Variants in FRY observed in about 807,000 individuals in gnomAD.
The protein encoded by FRY is protein furry homolog.
Under a neutral mutation model 348.4 loss-of-function variants are expected in FRY, and 128 were observed. The observed-to-expected ratio is 0.37, with a 90% confidence interval of 0.32 to 0.43. The LOEUF is 0.43. FRY is among the 20% of genes least tolerant of loss of function. The pLI, the probability that FRY is intolerant of heterozygous loss-of-function variation, is 1.00. For synonymous variants in FRY, 1,370 were observed against 1,374.7 expected, an observed-to-expected ratio of 1.00 and a Z score of 0.08; for missense variants, 2,736 against 3,695.2, an observed-to-expected ratio of 0.74 and a Z score of 6.73.
At chr13:32,099,633 A>G (rs1877017679) in intron 2 of FRY, among the ~76,000 whole-genome samples, 1 of 152,038 alleles carries the variant, frequency 6.6e-6, no homozygotes, top group Non-Finnish European at 1.5e-5. Flanking sequence ...CTTACAATAG[A>G]TACTTCAAAT....
chr13:32,224,849 G>A, intron 37 of FRY, 84 bp from the exon 38 acceptor site: 1 of 862,806 alleles, frequency 1.2e-6, no homozygotes, highest in Non-Finnish European at 2.0e-6. Flanking sequence ...ACACTTAAGA[G>A]TTATATTGTA....
At position 32,237,794 on chromosome 13, in the gene FRY, C is replaced by T. The variant is rs779408418; in HGVS notation, c.6226C>T (p.Leu2076Phe). ...GAGCAGACTACTGGCACATATGCCA[C>T]TCGATAAGGCTGAGAACCGAGAAAA... The part of the protein sequence containing the change: ...LLSRLLAHMP[L>F]DKAENREKLE... Residue 2076 changes from leucine (L) to phenylalanine (F), a missense_variant, in exon 44 of 61, where the codon CTC becomes TTC. By Grantham distance (22) the Leu-to-Phe change is conservative. Around this residue, in one of 9 missense-constraint regions of FRY, gnomAD observed 789 missense variants for 996.2 expected, o/e 0.79. Transcript: ENST00000542859. The surrounding 1 kb of genome is among the most constrained non-coding windows in gnomAD (Gnocchi z 6.3). 1.2e-6 allele frequency: 2 copies of T among 1,614,152 alleles called. No homozygotes were observed. Among genetic ancestry groups the T allele is most frequent in the South Asian group, 1.1e-5 (1 of 91,078 alleles).
Position 32,208,889 on chromosome 13 carries a change from G to A in FRY, c.4055G>A (p.Gly1352Glu), listed in dbSNP as rs1884511881. 2 of 1,614,100 alleles carry A rather than the reference G, an allele frequency of 1.2e-6. No individual in the cohort carries two copies. The highest frequency in any genetic ancestry group is 1.7e-6 in the Non-Finnish European group (2 of 1,180,010). The change falls in exon 32 of 61, where the codon GGG (glycine) becomes GAG (glutamate). Residue 1352 changes from glycine to glutamate, a missense_variant. Physicochemically the swap from Gly to Glu is moderately conservative, Grantham distance 98. Coordinates refer to ENST00000542859, the MANE Select transcript of FRY (RefSeq NM_023037.3). ...SQRFPTTHPNGRQIMLTYLLP... is the reference protein window; with the variant it reads ...SQRFPTTHPNERQIMLTYLLP... ...CGATTCCCCACAACACACCCCAACG[G>A]GCGCCAGATCATGCTTACCTACCTG...
chr13:32,034,821 T>G (rs371305655), intron 1 of FRY, among the ~76,000 whole-genome samples: 14 of 152,294 alleles, frequency 9.2e-5, no homozygotes, highest in African/African-American at 3.4e-4. Flanking sequence ...CTTAATCTAC[T>G]CACTCTCCTC....
intron 1 of FRY, among the ~76,000 whole-genome samples, chr13:32,074,967 T>G (rs1593584903): frequency 6.6e-6 from 1 of 152,164 alleles, no homozygotes; most frequent in Admixed American, 6.5e-5. Context: ...CAGGACTGGG[T>G]AAAAAGCAAG....
rs1886418142 is a variant in FRY at position 32,239,991 on chromosome 13, G to C, written c.6687+110G>C. ...CTGCCTTCGCCTCCCAGAGTGCTAG[G>C]ATTACAGGCGTGGGCCACCATTCCC... On this transcript the variant is annotated intron_variant, in intron 46 of 60. Coordinates refer to ENST00000542859, the MANE Select transcript of FRY (RefSeq NM_023037.3). This position sits in a 1 kb window ranked among gnomAD's most constrained non-coding sequence, Gnocchi z 4.3. 1 of 859,570 alleles carries C rather than the reference G, an allele frequency of 1.2e-6. No homozygotes were observed. The highest frequency in any genetic ancestry group is 2.3e-5 in the Admixed American group (1 of 43,926). 53.2% of individuals were successfully genotyped at this position (859,570 alleles called of 1,614,324 possible).
At position 32,186,422 on chromosome 13, in the gene FRY, T is replaced by C. The variant is rs1213998485; in HGVS notation, c.3480+2T>C. The C allele has an allele frequency of 6.3e-7, 1 of 1,582,646 alleles. No homozygotes were observed. Among genetic ancestry groups the C allele is most frequent in the Non-Finnish European group, 8.7e-7 (1 of 1,151,348 alleles). On this transcript the variant is annotated splice_donor_variant, in intron 27 of 60. Transcript: ENST00000542859. LOFTEE classifies it high-confidence loss of function. Reference sequence around the variant, plus strand: ...AGATATCAGTATTGTGCATTAAAAGTAGGTGATATTGTACTCACGAATGAC... The same window carrying C: ...AGATATCAGTATTGTGCATTAAAAGCAGGTGATATTGTACTCACGAATGAC...
intron 1 of FRY, among the ~76,000 whole-genome samples, chr13:32,061,356 T>C (rs545882279): frequency 6.6e-6 from 1 of 152,292 alleles, no homozygotes; most frequent in Admixed American, 6.5e-5. Context: ...GAGATTGTTA[T>C]ATTTTGGAGG....
At position 32,252,814 on chromosome 13, in the gene FRY, C is replaced by G. The variant is rs573416112; in HGVS notation, c.7245+862C>G. On this transcript the variant is annotated intron_variant, in intron 50 of 60. Coordinates refer to ENST00000542859, the MANE Select transcript of FRY (RefSeq NM_023037.3). ...ATTTCTTATCGTCTGGGAAAGCACC[C>G]CAGCCAGCCATCAGCTAAGCTGGGC... Among the ~76,000 whole-genome samples the G allele has an allele frequency of 1.3e-4, 19 of 151,956 alleles. No homozygotes were observed. The South Asian group carries it at 3.7e-3, about 30-fold the overall frequency.
intron 4 of FRY, among the ~76,000 whole-genome samples, chr13:32,118,862 AT>A (rs1471591941): frequency 6.6e-6 from 1 of 152,096 alleles, no homozygotes; most frequent in East Asian, 1.9e-4. Context: ...TCATTTTATT[AT>A]TTTTTCCATA....
At chr13:32,144,671 A>G (rs953543451) in intron 11 of FRY, among the ~76,000 whole-genome samples, 2 of 152,228 alleles carry the variant, frequency 1.3e-5, no homozygotes, top group African/African-American at 4.8e-5. Context: ...ATGGAGACAG[A>G]CAAGTAACAT....
chr13:32,135,055 A>G lies in FRY; in HGVS notation c.979-30A>G, dbSNP rs748033025. 23 of 1,543,456 alleles carry G rather than the reference A, an allele frequency of 1.5e-5. No homozygotes were observed. In the South Asian group the frequency reaches 2.6e-4, roughly 17 times the overall value. The stretch of plus-strand genomic sequence containing the variant: ...TATCACAAAATCAACAATTTTATTA[A>G]TATAATATTCACATGCATCTCTATT... On this transcript the variant is annotated intron_variant, in intron 9 of 60. Coordinates refer to ENST00000542859, the MANE Select transcript of FRY (RefSeq NM_023037.3).
chr13:32,236,177 GAATCAGCTTAATGATACTTTGAC>G lies in FRY; in HGVS notation c.5810+7_5810+29del. 1 of 1,597,954 alleles carries G rather than the reference GAATCAGCTTAATGATACTTTGAC, an allele frequency of 6.3e-7. No homozygotes were observed. The highest frequency in any genetic ancestry group is 8.6e-7 in the Non-Finnish European group (1 of 1,165,294). On this transcript the variant is annotated splice_donor_region_variant and intron_variant, in intron 43 of 60. Coordinates refer to ENST00000542859, the MANE Select transcript of FRY (RefSeq NM_023037.3). ...CCTCCTAACTGTATTGTCCCGGTGAGAATCAGCTTAATGATACTTTGACATCAAGTATACTGCACAGGAGTATT... is the reference window on the plus strand; with the variant it reads ...CCTCCTAACTGTATTGTCCCGGTGAGATCAAGTATACTGCACAGGAGTATT...
intron 58 of FRY, among the ~76,000 whole-genome samples, chr13:32,289,375 G>C (rs1440783086): frequency 6.6e-6 from 1 of 152,112 alleles, no homozygotes; most frequent in Non-Finnish European, 1.5e-5. Context: ...ATGGAAATTT[G>C]GTTGTTCACT....
chr13:32,246,437 G>T (rs1486610909), intron 47 of FRY, among the ~76,000 whole-genome samples: 1 of 152,210 alleles, frequency 6.6e-6, no homozygotes, highest in Non-Finnish European at 1.5e-5. Context: ...ATAAGGAGGG[G>T]AAATGTATTC....
rs556886269 is a variant in FRY at position 32,051,883 on chromosome 13, A to G, written c.70+20018A>G. Among the ~76,000 whole-genome samples the G allele has an allele frequency of 2.8e-3, 420 of 152,384 alleles. 2 individuals are homozygous for G. Among genetic ancestry groups the G allele is most frequent in the Non-Finnish European group, 4.9e-3 (334 of 68,044 alleles). ...AGCACAAGACAATGTGTGATCAATC[A>G]TAACATGGATGATATGGTTAGAGCT... is the stretch of plus-strand genomic sequence containing the variant. On this transcript the variant is annotated intron_variant, in intron 1 of 60. Coordinates refer to ENST00000542859, the MANE Select transcript of FRY (RefSeq NM_023037.3).
intron 16 of FRY, among the ~76,000 whole-genome samples, chr13:32,158,357 C>A (rs1593679110): frequency 6.6e-6 from 1 of 152,248 alleles, no homozygotes; most frequent in East Asian, 1.9e-4. Context: ...CCTCCTTTTC[C>A]CCACAAAAGT....
chr13:32,160,543 T>A (rs1017643557), intron 16 of FRY, among the ~76,000 whole-genome samples: 2 of 152,184 alleles, frequency 1.3e-5, no homozygotes, highest in Non-Finnish European at 2.9e-5. Context: ...AGAAATTAAT[T>A]AAAAATAGAG....
At chr13:32,188,340 G>T (rs191825563) in intron 28 of FRY, among the ~76,000 whole-genome samples, 1 of 152,136 alleles carries the variant, frequency 6.6e-6, no homozygotes, top group African/African-American at 2.4e-5. Context: ...AAGAAAATTC[G>T]TGACTTTTAG....
Sources: allele counts gnomAD v4.1 joint callset (sites outside exome capture counted in the v4.1 genomes callset), GRCh38; gene constraint gnomAD v4.1.1; regional missense constraint gnomAD v4.1.1; non-coding constraint Gnocchi (gnomAD v3.1); transcripts MANE v1.5; gene names NCBI Gene and HGNC (gene_info 2026-07-23, HGNC 2026-07-21).